Variants in GPC6 observed in about 807,000 individuals in gnomAD.
GPC6 encodes glypican-6.
Under a neutral mutation model 55.2 loss-of-function variants are expected in GPC6, and 14 were observed. The observed-to-expected ratio is 0.25, with a 90% CI of 0.17 to 0.40. The LOEUF is 0.40. Ranked by LOEUF, GPC6 falls within the 10% of genes least tolerant of loss-of-function variation. The pLI is 1.00. For missense variants in GPC6, 641 were observed against 708.5 expected (o/e 0.90, Z 1.08); for synonymous variants, 278 against 259.6 (o/e 1.07, Z -0.68).
At chr13:93,746,072 C>G (rs1477419989) in intron 2 of GPC6, among the ~76,000 whole-genome samples, 2 of 152,192 alleles carry the variant, frequency 1.3e-5, no homozygotes, top group African/African-American at 4.8e-5. Flanking sequence ...AGATTCAGAA[C>G]CACATACCGC....
At chr13:93,702,612 T>G (rs1278993435) in intron 2 of GPC6, among the ~76,000 whole-genome samples, 3 of 152,058 alleles carry the variant, frequency 2.0e-5, no homozygotes, top group Admixed American at 6.6e-5. Flanking sequence ...CTGTTTCATC[T>G]ACATTGAAAA....
Position 93,278,980 on chromosome 13 carries a change from A to G in GPC6, c.160+51364A>G, listed in dbSNP as rs185184051. ...TAAAATATATGCAACACTTATTTTA[A>G]AAAATCATAATAGATTTATGTTAAA... is the stretch of plus-strand genomic sequence containing the variant. On this transcript the variant is annotated intron_variant, in intron 1 of 8. Transcript: ENST00000377047. Among the ~76,000 whole-genome samples, 1,265 of 152,366 alleles carry G rather than the reference A, an allele frequency of 8.3e-3. 8 individuals are homozygous for G. Among genetic ancestry groups the G allele is most frequent in the Non-Finnish European group, 0.014 (982 of 68,040 alleles).
At chr13:93,284,535 G>A (rs1300699398) in intron 1 of GPC6, among the ~76,000 whole-genome samples, 3 of 152,166 alleles carry the variant, frequency 2.0e-5, no homozygotes, top group Non-Finnish European at 4.4e-5. Flanking sequence ...AGGAGACACT[G>A]TTTGATATGA....
At chr13:93,922,123 A>G (rs971408196) in intron 3 of GPC6, among the ~76,000 whole-genome samples, 1 of 152,200 alleles carries the variant, frequency 6.6e-6, no homozygotes, top group Non-Finnish European at 1.5e-5. Context: ...GGGTCGTGAT[A>G]GTGAAAAGGT....
chr13:93,623,993 CA>C (rs1488002994), intron 2 of GPC6, among the ~76,000 whole-genome samples: 1 of 151,960 alleles, frequency 6.6e-6, no homozygotes, highest in African/African-American at 2.4e-5. Context: ...AACCTCTTGT[CA>C]AATGCATTGT....
chr13:93,474,079 ACT>A (rs1194819697), intron 1 of GPC6, among the ~76,000 whole-genome samples: 1 of 151,914 alleles, frequency 6.6e-6, no homozygotes, highest in African/African-American at 2.4e-5. Flanking sequence ...ATTACATGAG[ACT>A]CTGTCTTGTT....
chr13:93,719,111 T>G (rs1883354734), intron 2 of GPC6, among the ~76,000 whole-genome samples: 1 of 152,124 alleles, frequency 6.6e-6, no homozygotes, highest in African/African-American at 2.4e-5. Flanking sequence ...TTTTTTCTAA[T>G]TCTGCGAAGA....
intron 3 of GPC6, among the ~76,000 whole-genome samples, chr13:93,923,209 C>T (rs1027265133): frequency 6.6e-6 from 1 of 152,106 alleles, no homozygotes; most frequent in African/African-American, 2.4e-5. Context: ...TACAGATGCA[C>T]TTAATTATTT....
intron 3 of GPC6, among the ~76,000 whole-genome samples, chr13:93,890,339 C>T (rs1479791247): frequency 6.6e-6 from 1 of 152,066 alleles, no homozygotes; most frequent in African/African-American, 2.4e-5. Context: ...AATAGTCTAT[C>T]ACAGAGGAAA....
chr13:93,476,263 C>A (rs559541180), intron 1 of GPC6, among the ~76,000 whole-genome samples: 1 of 152,032 alleles, frequency 6.6e-6, no homozygotes, highest in East Asian at 1.9e-4. Context: ...ACTTGCTATT[C>A]CTATTTGTGT....
At chr13:94,269,429 C>G (rs370155234) in intron 4 of GPC6, among the ~76,000 whole-genome samples, 6 of 152,084 alleles carry the variant, frequency 3.9e-5, no homozygotes, top group Non-Finnish European at 8.8e-5. Flanking sequence ...CCTTTTATAC[C>G]AATTTTTCTT....
At chr13:94,369,883 A>T (rs1879462970) in intron 6 of GPC6, among the ~76,000 whole-genome samples, 1 of 152,216 alleles carries the variant, frequency 6.6e-6, no homozygotes, top group African/African-American at 2.4e-5. Flanking sequence ...ATTTGGAAAG[A>T]AGTCGCTGGC....
At chr13:93,763,096 A>G (rs1885005003) in intron 2 of GPC6, among the ~76,000 whole-genome samples, 2 of 152,210 alleles carry the variant, frequency 1.3e-5, no homozygotes, top group South Asian at 4.1e-4. Flanking sequence ...TGATAGGATA[A>G]TCAATAAAGA....
At chr13:93,911,821 T>C (rs1876998921) in intron 3 of GPC6, among the ~76,000 whole-genome samples, 1 of 152,236 alleles carries the variant, frequency 6.6e-6, no homozygotes, top group African/African-American at 2.4e-5. Context: ...GCTTATTAAC[T>C]GGTTGGTTAC....
chr13:93,748,325 A>G lies in GPC6; in HGVS notation c.320-81829A>G, dbSNP rs545989333. ...AGGGAGACAGTTTCATGTTTTATGT[A>G]GTAATTCCTATTTTTGATCTCTTCC... On this transcript the variant is annotated intron_variant, in intron 2 of 8. Coordinates refer to ENST00000377047, the MANE Select transcript of GPC6 (RefSeq NM_005708.5). 3.9e-4 allele frequency among the ~76,000 whole-genome samples: 60 copies of G among 152,060 alleles called. 2 individuals carry two copies. In the South Asian group the frequency reaches 0.012, roughly 30 times the overall value.
chr13:94,108,858 A>C (rs1454229339), intron 4 of GPC6, among the ~76,000 whole-genome samples: 8 of 152,002 alleles, frequency 5.3e-5, no homozygotes, highest in Admixed American at 2.6e-4. Flanking sequence ...AAAAAACAAA[A>C]AAAAAAAGTT....
chr13:94,090,464 A>G (rs1342854056), intron 4 of GPC6, among the ~76,000 whole-genome samples: 1 of 152,100 alleles, frequency 6.6e-6, no homozygotes, highest in African/African-American at 2.4e-5. Context: ...CTTGCCTTCA[A>G]AAGAATGTTA....
chr13:94,350,387 A>G (rs1484847085), intron 6 of GPC6, among the ~76,000 whole-genome samples: 1 of 152,168 alleles, frequency 6.6e-6, no homozygotes, highest in Non-Finnish European at 1.5e-5. Flanking sequence ...GATGATTCCA[A>G]TATGCACCCA....
At chr13:94,253,346 T>G (rs558907245) in intron 4 of GPC6, among the ~76,000 whole-genome samples, 1 of 152,246 alleles carries the variant, frequency 6.6e-6, no homozygotes, top group Admixed American at 6.5e-5. Flanking sequence ...CTTCTCCAGT[T>G]GATTCTCTAT....
Sources: gnomAD v4.1 joint callset for allele counts (sites outside exome capture counted in the v4.1 genomes callset) on GRCh38, gnomAD v4.1.1 for gene constraint, MANE v1.5 for transcripts, NCBI Gene and HGNC (gene_info 2026-07-23, HGNC 2026-07-21) for gene names.